Variants in FHIT observed in about 807,000 individuals in gnomAD.
FHIT encodes the protein bis(5'-adenosyl)-triphosphatase.
In FHIT, 19 loss-of-function variants were observed where a neutral mutation model predicts 17.9. The ratio of observed to expected loss-of-function variants is 1.06; its 90% confidence interval spans 0.74 to 1.56. The LOEUF (loss-of-function observed/expected upper bound fraction) is 1.56, where lower values mean the gene tolerates loss of function less well. Ranked by LOEUF, FHIT falls within the 40% of genes most tolerant of loss-of-function variation. The probability of loss-of-function intolerance (pLI) is 0.00; values close to 1 mark genes in which losing one functional copy is unlikely to be tolerated. For missense variants in FHIT, 248 were observed against 189.2 expected (o/e 1.31, Z -1.82); for synonymous variants, 81 against 69.7 (o/e 1.16, Z -0.81).
intron 5 of FHIT, among the ~76,000 whole-genome samples, chr3:60,395,622 A>G (rs1164069380): frequency 6.6e-6 from 1 of 152,286 alleles, no homozygotes; most frequent in East Asian, 1.9e-4. Context: ...TGCTTCATGA[A>G]TAGAGAAAGG....
chr3:59,978,438 A>G (rs1270449357), intron 7 of FHIT, among the ~76,000 whole-genome samples: 1 of 152,012 alleles, frequency 6.6e-6, no homozygotes, highest in East Asian at 1.9e-4. Flanking sequence ...ACTCATGTAT[A>G]ATTAGTTATA....
chr3:60,477,506 A>G (rs2033405604), intron 5 of FHIT, among the ~76,000 whole-genome samples: 1 of 152,170 alleles, frequency 6.6e-6, no homozygotes, highest in Non-Finnish European at 1.5e-5. Flanking sequence ...CAGGCATCAC[A>G]CTAACCACAC....
chr3:60,551,762 A>T (rs2036567263), intron 4 of FHIT, among the ~76,000 whole-genome samples: 1 of 150,422 alleles, frequency 6.6e-6, no homozygotes, highest in Non-Finnish European at 1.5e-5. Context: ...TGTCTATAAA[A>T]ATAAACCTCA....
intron 7 of FHIT, among the ~76,000 whole-genome samples, chr3:59,997,431 C>T (rs1171504654): frequency 6.6e-6 from 1 of 152,116 alleles, no homozygotes; most frequent in African/African-American, 2.4e-5. Context: ...AAAAAGCAAA[C>T]TATTATAGCT....
In FHIT at chr3:59,922,361, G is replaced by C. The variant is rs1005964924; in HGVS notation, c.333C>G (p.Asp111Glu). ...ACAGACCCACCTCCTCATAGATGCT[G>C]TCATTCCTGTGAAAGTCTCCAGCCT... ...PRKAGDFHRN[D>E]SIYEELQKHD... is the part of the protein sequence containing the mutation. The change falls in exon 8 of 10, where the codon GAC (aspartate) becomes GAG (glutamate). Residue 111 changes from aspartate (D) to glutamate (E), a missense_variant. Physicochemically the swap from Asp to Glu is conservative, Grantham distance 45. Transcript: ENST00000492590. 2 of 1,613,656 alleles carry C rather than the reference G, an allele frequency of 1.2e-6. No individual in the cohort carries two copies. The highest frequency in any genetic ancestry group is 8.5e-7 in the Non-Finnish European group (1 of 1,179,774).
At chr3:61,005,359 T>C (rs56080306) in intron 3 of FHIT, among the ~76,000 whole-genome samples, 10,815 of 152,092 alleles carry the variant, frequency 0.071, 539 homozygotes, top group Middle Eastern at 0.11. Context: ...ACAGAAGAGA[T>C]AGTCAGTAAC....
chr3:60,170,990 T>C (rs1175172523), intron 5 of FHIT, among the ~76,000 whole-genome samples: 1 of 152,136 alleles, frequency 6.6e-6, no homozygotes, highest in Non-Finnish European at 1.5e-5. Flanking sequence ...TGGGGAGAAC[T>C]GGAGGCCTAG....
chr3:61,095,458 C>T (rs2035608895), intron 2 of FHIT, among the ~76,000 whole-genome samples: 1 of 152,146 alleles, frequency 6.6e-6, no homozygotes, highest in East Asian at 1.9e-4. Flanking sequence ...TCCTTCATTC[C>T]TCTCAGAACC....
At chr3:60,575,974 GAC>G (rs2037551431) in intron 4 of FHIT, among the ~76,000 whole-genome samples, 1 of 152,052 alleles carries the variant, frequency 6.6e-6, no homozygotes, top group African/African-American at 2.4e-5. Flanking sequence ...GTTGCAGAAG[GAC>G]ACAGTTACTA....
intron 4 of FHIT, among the ~76,000 whole-genome samples, chr3:60,630,604 T>C (rs1388742583): frequency 2.6e-5 from 4 of 152,134 alleles, no homozygotes; most frequent in African/African-American, 7.2e-5. Flanking sequence ...AACCCAGCAT[T>C]TGTCTTAGCA....
chr3:60,980,324 C>T (rs1044693581), intron 3 of FHIT, among the ~76,000 whole-genome samples: 9 of 152,038 alleles, frequency 5.9e-5, no homozygotes, highest in African/African-American at 1.7e-4. Flanking sequence ...AAAAACACCA[C>T]AAAAAATGTA....
intron 5 of FHIT, among the ~76,000 whole-genome samples, chr3:60,029,576 CA>C (rs1182593122): frequency 6.6e-6 from 1 of 152,092 alleles, no homozygotes; most frequent in Non-Finnish European, 1.5e-5. Flanking sequence ...AAATTAAAGT[CA>C]AAGTTCTCTT....
chr3:60,205,280 G>A (rs550976671), intron 5 of FHIT, among the ~76,000 whole-genome samples: 1 of 152,146 alleles, frequency 6.6e-6, no homozygotes, highest in East Asian at 1.9e-4. Flanking sequence ...ATAAAAGAAT[G>A]AGTAATATTC....
intron 5 of FHIT, among the ~76,000 whole-genome samples, chr3:60,131,022 TATATAC>T (rs1559661441): frequency 2.7e-5 from 2 of 73,970 alleles, no homozygotes; most frequent in Non-Finnish European, 4.8e-5. Flanking sequence ...TATATACACA[TATATAC>T]ATATGTGTAT....
chr3:60,420,879 T>G (rs991249011), intron 5 of FHIT, among the ~76,000 whole-genome samples: 5 of 152,180 alleles, frequency 3.3e-5, no homozygotes, highest in Admixed American at 3.3e-4. Context: ...TCTTTGTTTC[T>G]GGCTTGCCTT....
intron 4 of FHIT, among the ~76,000 whole-genome samples, chr3:60,566,351 C>T (rs2037133383): frequency 6.6e-6 from 1 of 152,068 alleles, no homozygotes; most frequent in Admixed American, 6.6e-5. Flanking sequence ...GAACCAACGA[C>T]AAAAACCACA....
At chr3:60,548,134 AGAGAGAGAGC>A (rs370040521) in intron 4 of FHIT, among the ~76,000 whole-genome samples, 2,245 of 11,218 alleles carry the variant, frequency 0.2, 39 homozygotes, top group East Asian at 0.5. Flanking sequence ...GGAGCACGAG[AGAGAGAGAGC>A]GAGAGAGAGA....
chr3:60,007,995 A>T (rs1699989828), intron 7 of FHIT, among the ~76,000 whole-genome samples: 4 of 152,186 alleles, frequency 2.6e-5, no homozygotes, highest in Admixed American at 2.6e-4. Context: ...ATGCAGAGCT[A>T]GCATATTTTG....
intron 3 of FHIT, among the ~76,000 whole-genome samples, chr3:60,860,400 T>C (rs62654845): frequency 0.45 from 28,016 of 62,528 alleles, 5,848 homozygotes; most frequent in East Asian, 0.61. Context: ...CATATGTATA[T>C]ATGACATACA....
Sources: allele counts gnomAD v4.1 joint callset (sites outside exome capture counted in the v4.1 genomes callset), GRCh38; gene constraint gnomAD v4.1.1; transcripts MANE v1.5; gene names NCBI Gene and HGNC (gene_info 2026-07-23, HGNC 2026-07-21).